BARD1: variants seen among roughly 807,000 people sequenced by gnomAD.
BARD1 encodes BRCA1 associated RING domain 1.
A neutral mutation model predicts 77.0 loss-of-function variants in BARD1; 73 were observed. The observed-to-expected ratio is 0.95, with a 90% CI of 0.79 to 1.15. BARD1 has a LOEUF of 1.15. BARD1 is among the 50% of genes most tolerant of loss of function. The pLI, the probability that BARD1 is intolerant of heterozygous loss-of-function variation, is 0.00. For missense variants in BARD1, 993 were observed against 938.8 expected, an observed-to-expected ratio of 1.06 and a Z score of -0.75; for synonymous variants, 384 against 338.0, an observed-to-expected ratio of 1.14 and a Z score of -1.49.
intron 9 of BARD1, among the ~76,000 whole-genome samples, chr2:214,743,985 C>G (rs1004792006): frequency 1.1e-4 from 17 of 152,130 alleles, no homozygotes; most frequent in Non-Finnish European, 1.8e-4. Context: ...TCTGTAACCA[C>G]TAATCTTTTG....
At chr2:214,794,088 C>CA (rs1195820522) in intron 2 of BARD1, among the ~76,000 whole-genome samples, 2 of 151,828 alleles carry the variant, frequency 1.3e-5, no homozygotes, top group Non-Finnish European at 2.9e-5. Flanking sequence ...CTTGTCTCTA[C>CA]AAAAAACTAC....
At chr2:214,756,635 A>G (rs763136441) in intron 6 of BARD1, among the ~76,000 whole-genome samples, 9 of 152,254 alleles carry the variant, frequency 5.9e-5, no homozygotes, top group Non-Finnish European at 1.3e-4. Flanking sequence ...ATACAATAGA[A>G]TACCACTCAG....
chr2:214,770,236 G>A (rs1694417315), intron 4 of BARD1, among the ~76,000 whole-genome samples: 1 of 152,202 alleles, frequency 6.6e-6, no homozygotes, highest in Non-Finnish European at 1.5e-5. Flanking sequence ...TCCCCGCCCA[G>A]TTCAAGACTA....
At position 214,780,812 on chromosome 2, in the gene BARD1, T is replaced by C. The variant is rs1057521964; in HGVS notation, c.1062A>G (p.Ser354=). The C allele has an allele frequency of 4.3e-6, 7 of 1,614,144 alleles. No homozygotes were observed. The highest frequency in any genetic ancestry group is 5.9e-6 in the Non-Finnish European group (7 of 1,180,010). The change falls in exon 4 of 11, where the codon TCA becomes TCG. Residue 354 remains serine, a synonymous_variant. Coordinates refer to ENST00000260947, the MANE Select transcript of BARD1 (RefSeq NM_000465.4). ...AACATTCAGGCAATGGTATATTTTC[T>C]GAGGGCACCGTTTGCTTAACAAAAT... is the stretch of plus-strand genomic sequence containing the variant. ...SGDFVKQTVP[S]ENIPLPECSS...
At position 214,752,531 on chromosome 2, in the gene BARD1, G is replaced by C. The variant is rs564894014; in HGVS notation, c.1593C>G (p.Val531=). The C allele has an allele frequency of 1.2e-6, 2 of 1,613,476 alleles. No homozygotes were observed. The highest frequency in any genetic ancestry group is 1.7e-5 in the Admixed American group (1 of 59,978). The change falls in exon 7 of 11, where the codon GTC becomes GTG. Residue 531 remains valine (V), a synonymous_variant. Transcript: ENST00000260947. ...TCATACTTTCATCATCTGTATAATC[G>C]ACAGGCCGCAGACCAAATATATTAC... is the stretch of plus-strand genomic sequence containing the variant. ...NAVNIFGLRP[V]DYTDDESMKS... is the part of the protein sequence containing the mutation.
intron 9 of BARD1, among the ~76,000 whole-genome samples, chr2:214,738,176 C>A (rs10932566): frequency 0.36 from 54,345 of 152,014 alleles, 10,398 homozygotes; most frequent in East Asian, 0.56. Context: ...AAGGTTTTGA[C>A]TGAAGCTATC....
chr2:214,756,880 G>A (rs1478637458), intron 6 of BARD1, among the ~76,000 whole-genome samples: 5 of 152,110 alleles, frequency 3.3e-5, no homozygotes, highest in African/African-American at 1.2e-4. Flanking sequence ...GGTTCAGTGT[G>A]TACTGCTCGG....
chr2:214,764,964 T>C (rs1694128689), intron 6 of BARD1, among the ~76,000 whole-genome samples: 1 of 152,102 alleles, frequency 6.6e-6, no homozygotes, highest in South Asian at 2.1e-4. Context: ...TCTGCCCTAC[T>C]ATCCTTTATC....
chr2:214,769,649 G>A (rs1694385016), intron 4 of BARD1, among the ~76,000 whole-genome samples: 1 of 152,178 alleles, frequency 6.6e-6, no homozygotes, highest in Non-Finnish European at 1.5e-5. Flanking sequence ...GCTGAGGCAG[G>A]AGAATCACTT....
At chr2:214,765,954 T>C (rs907722339) in intron 6 of BARD1, among the ~76,000 whole-genome samples, 1 of 152,208 alleles carries the variant, frequency 6.6e-6, no homozygotes, top group Non-Finnish European at 1.5e-5. Flanking sequence ...AATTACGACC[T>C]AGAAGCCCTG....
chr2:214,792,271 C>T (rs1358626578), intron 3 of BARD1, 26 bp downstream of exon 3: 2 of 1,602,164 alleles, frequency 1.2e-6, no homozygotes, highest in Admixed American at 1.7e-5. Flanking sequence ...ATGAATTTAA[C>T]TAAGAGAGAT....
At chr2:214,747,170 T>C (rs901612195) in intron 7 of BARD1, among the ~76,000 whole-genome samples, 12 of 151,978 alleles carry the variant, frequency 7.9e-5, no homozygotes, top group South Asian at 2.1e-4. Context: ...CATCTCACAC[T>C]AGTTAGAATG....
rs762442597 is a variant in BARD1 at position 214,753,440 on chromosome 2, T to TAG, written c.1569-886_1569-885insCT. The stretch of plus-strand genomic sequence containing the variant: ...TGAGCAATTCTTTTATAGTCTTCTA[T>TAG]GTTTTTTTTAAAGATTATGCTATAT... On this transcript the variant is annotated intron_variant, in intron 6 of 10. Coordinates refer to ENST00000260947, the MANE Select transcript of BARD1 (RefSeq NM_000465.4). Among the ~76,000 whole-genome samples, 12 of 152,192 alleles carry TAG rather than the reference T, an allele frequency of 7.9e-5. No individual in the cohort carries two copies. In the South Asian group the frequency reaches 8.3e-4, roughly 10 times the overall value.
At chr2:214,740,015 T>C (rs1692745404) in intron 9 of BARD1, among the ~76,000 whole-genome samples, 1 of 152,030 alleles carries the variant, frequency 6.6e-6, no homozygotes, top group South Asian at 2.1e-4. Context: ...TATCAAAATA[T>C]CAAAATAGTC....
chr2:214,799,094 G>A (rs1022461015), intron 1 of BARD1, among the ~76,000 whole-genome samples: 7 of 152,128 alleles, frequency 4.6e-5, no homozygotes, highest in Admixed American at 6.5e-5. Flanking sequence ...TCCAGACTGG[G>A]TGACAGAGCG....
chr2:214,758,282 A>C (rs1220072269), intron 6 of BARD1, among the ~76,000 whole-genome samples: 5 of 152,190 alleles, frequency 3.3e-5, no homozygotes, highest in Non-Finnish European at 5.9e-5. Context: ...TGGAAATAAT[A>C]ACACTATCTA....
At chr2:214,785,588 T>A (rs1695235226) in intron 3 of BARD1, among the ~76,000 whole-genome samples, 1 of 151,962 alleles carries the variant, frequency 6.6e-6, no homozygotes, top group Non-Finnish European at 1.5e-5. Flanking sequence ...TAATTTAGTC[T>A]AATTCTTTCA....
chr2:214,806,986 T>C (rs1256396918), intron 1 of BARD1, among the ~76,000 whole-genome samples: 1 of 152,110 alleles, frequency 6.6e-6, no homozygotes, highest in Non-Finnish European at 1.5e-5. Context: ...TTAGCAACTA[T>C]TGCCTGTGGG....
Position 214,780,796 on chromosome 2 carries a change from G to A in BARD1, c.1078C>T (p.Pro360Ser), listed in dbSNP as rs1210369014. 2 of 1,541,456 alleles carry A rather than the reference G, an allele frequency of 1.3e-6. No homozygotes were observed. The highest frequency in any genetic ancestry group is 1.8e-6 in the Non-Finnish European group (2 of 1,139,902). The change falls in exon 4 of 11, where the codon CCT (proline) becomes TCT (serine). Residue 360 changes from proline to serine, a missense_variant. Pro to Ser is a moderately conservative substitution (Grantham distance 74). Coordinates refer to ENST00000260947, the MANE Select transcript of BARD1 (RefSeq NM_000465.4). ...CATGAAGGTGGTGAAGAACATTCAGGCAATGGTATATTTTCTGAGGGCACC... is the reference window on the plus strand; with the variant it reads ...CATGAAGGTGGTGAAGAACATTCAGACAATGGTATATTTTCTGAGGGCACC... ...QTVPSENIPL[P>S]ECSSPPSCKR...
Sources: allele counts gnomAD v4.1 joint callset (sites outside exome capture counted in the v4.1 genomes callset), GRCh38; gene constraint gnomAD v4.1.1; transcripts MANE v1.5; gene names NCBI Gene and HGNC (gene_info 2026-07-23, HGNC 2026-07-21).